The following USP31 variants were observed in gnomAD, a reference collection of about 807,000 sequenced individuals.
USP31 encodes ubiquitin specific peptidase 31, also known as ubiquitin carboxyl-terminal hydrolase 31.
In USP31, 44 loss-of-function variants were observed where a neutral mutation model predicts 119.4. The observed-to-expected ratio is 0.37, with a 90% CI of 0.29 to 0.47. USP31 has a LOEUF of 0.47. Ranked by LOEUF, USP31 falls within the 20% of genes least tolerant of loss-of-function variation. The pLI is 0.99. For missense variants in USP31, 1,643 were observed against 1,730.2 expected, an observed-to-expected ratio of 0.95 and a Z score of 0.89; for synonymous variants, 749 against 705.6, an observed-to-expected ratio of 1.06 and a Z score of -0.97.
chr16:23,109,577 G>A (rs569027870), intron 1 of USP31, among the ~76,000 whole-genome samples: 15 of 152,076 alleles, frequency 9.9e-5, no homozygotes, highest in Non-Finnish European at 2.1e-4. Flanking sequence ...CCTTGAATGT[G>A]GCTTGTGATA....
At chr16:23,106,335 A>G (rs775394640) in intron 3 of USP31, 30 bp from the exon 4 acceptor site, 19 of 1,613,898 alleles carry the variant, frequency 1.2e-5, no homozygotes, top group East Asian at 2.2e-5. Flanking sequence ...GACGCTTGAC[A>G]TTAAAATCAC....
intron 6 of USP31, among the ~76,000 whole-genome samples, chr16:23,100,648 C>T (rs1012519331): frequency 6.6e-6 from 1 of 152,120 alleles, no homozygotes; most frequent in African/African-American, 2.4e-5. Context: ...TGGCATGCGC[C>T]TGTGATCCCA....
At chr16:23,072,322 A>G in intron 14 of USP31, 125 bp from the exon 15 acceptor site, 2 of 1,318,930 alleles carry the variant, frequency 1.5e-6, no homozygotes, top group Non-Finnish European at 1.1e-6. Context: ...CCCCGAGGTC[A>G]GCATCAATTC....
rs576890028 is a variant in USP31, at chr16:23,119,896, G to C, written c.634-11713C>G. ...TGTCTTTCATCAGTAATGTAAAGGG[G>C]GTGTTCTTCACCTTAAATGCTCAAG... is the stretch of plus-strand genomic sequence containing the variant. On this transcript the variant is annotated intron_variant, in intron 1 of 15. Transcript: ENST00000219689. Among the ~76,000 whole-genome samples the C allele has an allele frequency of 1.2e-3, 178 of 152,164 alleles. 1 individual carries two copies. Among genetic ancestry groups the C allele is most frequent in the African/African-American group, 4.1e-3 (172 of 41,496 alleles).
intron 9 of USP31, among the ~76,000 whole-genome samples, chr16:23,085,929 TA>T (rs1326330006): frequency 6.6e-6 from 1 of 152,224 alleles, no homozygotes; most frequent in African/African-American, 2.4e-5. Flanking sequence ...TTTAGTGTCA[TA>T]AGGTTGATGA....
intron 13 of USP31, among the ~76,000 whole-genome samples, chr16:23,077,917 G>A (rs1184456792): frequency 6.6e-6 from 1 of 152,150 alleles, no homozygotes; most frequent in Non-Finnish European, 1.5e-5. Flanking sequence ...ATTCAACAAT[G>A]TTACACGAAA....
At position 23,063,714 on chromosome 16, in the gene USP31, T is replaced by C. The variant is rs912819552; in HGVS notation, c.*4332A>G. The C allele has an allele frequency of 9.3e-5, 14 of 150,874 alleles. No homozygotes were observed. Among genetic ancestry groups the C allele is most frequent in the African/African-American group, 2.4e-4 (10 of 41,214 alleles). 9.3% of individuals were successfully genotyped at this position (150,874 alleles called of 1,614,324 possible). A position where few individuals can be genotyped will look rare whatever the true frequency, so the allele number is the denominator to read the frequency against. ...ATTTTGAAAATCACAAATTTAAAAA[T>C]AGAGCTCCATAATTGTTGCCTTTTT... On this transcript the variant is annotated 3_prime_UTR_variant, in exon 16 of 16. Coordinates refer to ENST00000219689, the MANE Select transcript of USP31 (RefSeq NM_020718.4).
Position 23,064,904 on chromosome 16 carries a change from TACTCCCAC to T in USP31, c.*3134_*3141del, listed in dbSNP as rs1900004297. On this transcript the variant is annotated 3_prime_UTR_variant, in exon 16 of 16. Transcript: ENST00000219689. ...TTACAGTATTTTAGCACACCACAAA[TACTCCCAC>T]ATCCGTTCCCACTGGTCCAGCATAT... 1 of 152,122 alleles carries T rather than the reference TACTCCCAC, an allele frequency of 6.6e-6. No individual in the cohort carries two copies. The highest frequency in any genetic ancestry group is 1.5e-5 in the Non-Finnish European group (1 of 68,024). The allele number at this position is 152,122 out of a possible 1,614,324, so 9.4% of individuals were successfully genotyped here. A position where few individuals can be genotyped will look rare whatever the true frequency, so the allele number is the denominator to read the frequency against.
At chr16:23,145,528 T>C (rs531176458) in intron 1 of USP31, among the ~76,000 whole-genome samples, 5 of 152,202 alleles carry the variant, frequency 3.3e-5, no homozygotes, top group Admixed American at 2.6e-4. Flanking sequence ...GCCAATGAAA[T>C]ATCAGCAGAA....
intron 12 of USP31, among the ~76,000 whole-genome samples, chr16:23,080,593 T>C (rs1270663198): frequency 6.6e-6 from 1 of 152,276 alleles, no homozygotes; most frequent in Non-Finnish European, 1.5e-5. Context: ...GCAGTGCCTG[T>C]TCCCCTCCAC....
intron 1 of USP31, among the ~76,000 whole-genome samples, chr16:23,125,372 A>C (rs6497653): frequency 0.28 from 42,593 of 151,824 alleles, 6,270 homozygotes; most frequent in Admixed American, 0.35. Context: ...TCCCTCAGCA[A>C]TACCCTCTGA....
intron 1 of USP31, among the ~76,000 whole-genome samples, chr16:23,109,177 A>G (rs1301253332): frequency 2.0e-5 from 3 of 152,222 alleles, no homozygotes; most frequent in Admixed American, 6.5e-5. Context: ...TCACATCCAT[A>G]TATCTGTACA....
chr16:23,131,679 G>A (rs1903035158), intron 1 of USP31, among the ~76,000 whole-genome samples: 1 of 152,048 alleles, frequency 6.6e-6, no homozygotes, highest in Non-Finnish European at 1.5e-5. Context: ...AAAGGCACAT[G>A]GAACCTGCCA....
chr16:23,068,826 G>A lies in USP31; in HGVS notation c.3279C>T (p.Ala1093=), dbSNP rs2141824829. The change falls in exon 16 of 16, where the codon GCC becomes GCT. Residue 1093 remains alanine (A), a synonymous_variant. Transcript: ENST00000219689. ...TCGGGGATGACTCCTTTTTGGGTTGGGCAGGGGCAGGGGATGAATGCCGTC... is the reference window on the plus strand; with the variant it reads ...TCGGGGATGACTCCTTTTTGGGTTGAGCAGGGGCAGGGGATGAATGCCGTC... The part of the protein sequence containing the change: ...GSGRHSSPAP[A]QPKKESSPKS... The A allele has an allele frequency of 6.4e-7, 1 of 1,556,588 alleles. No homozygotes were observed. Among genetic ancestry groups the A allele is most frequent in the Non-Finnish European group, 8.7e-7 (1 of 1,154,800 alleles).
Position 23,066,418 on chromosome 16 carries a change from GAA to G in USP31, c.*1626_*1627del, listed in dbSNP as rs895250450. On this transcript the variant is annotated 3_prime_UTR_variant, in exon 16 of 16. Transcript: ENST00000219689. Reference sequence around the variant, plus strand: ...AAGAGATATTCTTGGGGGGAAAAAAGAAAAAAAAAGTAGTGCAGAATTCACAG... The same window carrying G: ...AAGAGATATTCTTGGGGGGAAAAAAGAAAAAAAGTAGTGCAGAATTCACAG... The G allele has an allele frequency of 4.6e-5, 7 of 151,192 alleles. No individual in the cohort carries two copies. In the East Asian group the frequency reaches 7.8e-4, roughly 17 times the overall value. 9.4% of individuals were successfully genotyped at this position (151,192 alleles called of 1,614,324 possible). A position where few individuals can be genotyped will look rare whatever the true frequency, so the allele number is the denominator to read the frequency against.
At chr16:23,130,974 C>T (rs768301283) in intron 1 of USP31, among the ~76,000 whole-genome samples, 69 of 152,240 alleles carry the variant, frequency 4.5e-4, no homozygotes, top group Non-Finnish European at 9.0e-4. Flanking sequence ...CTTAACGGAC[C>T]TGCATTCTCT....
chr16:23,068,618 A>C lies in USP31; in HGVS notation c.3487T>G (p.Leu1163Val). The change falls in exon 16 of 16, where the codon TTG becomes GTG. Residue 1163 changes from leucine (L) to valine (V), a missense_variant. Transcript: ENST00000219689. ...GTGGCGCTGGCTCTGTCAGAACCCA[A>C]GCTTTGTCTGGAGCCCTCTCTACTC... ...SLSREGSRQS[L>V]GSDRASATST... The C allele has an allele frequency of 6.2e-7, 1 of 1,614,160 alleles. No individual in the cohort carries two copies. The highest frequency in any genetic ancestry group is 8.5e-7 in the Non-Finnish European group (1 of 1,180,038).
intron 6 of USP31, among the ~76,000 whole-genome samples, chr16:23,092,513 CAG>C (rs1380873884): frequency 6.6e-6 from 1 of 152,112 alleles, no homozygotes; most frequent in Non-Finnish European, 1.5e-5. Flanking sequence ...GAGAGATTAA[CAG>C]AAGTTAACTG....
rs370545053 is a variant in USP31, at chr16:23,068,519, C to T, written c.3586G>A (p.Val1196Met). The T allele has an allele frequency of 6.8e-6, 11 of 1,613,686 alleles. No individual in the cohort carries two copies. In the African/African-American group the frequency reaches 8.0e-5, roughly 12 times the overall value. ...AGEGRGAGKH[V>M]RSSSMASLRS... ...AGGCTGGCCATGGAGGAGCTCCGCA[C>T]GTGCTTCCCGGCCCCCCTGCCCTCC... Residue 1196 changes from valine to methionine, a missense_variant, in exon 16 of 16, where the codon GTG (valine) becomes ATG (methionine). By Grantham distance (21) the Val-to-Met change is conservative (BLOSUM62 1). Around this residue, in one of 5 missense-constraint regions of USP31, gnomAD observed 699 missense variants for 650.9 expected, o/e 1.07. Transcript: ENST00000219689.
Sources: gnomAD v4.1 joint callset for allele counts (sites outside exome capture counted in the v4.1 genomes callset) on GRCh38, gnomAD v4.1.1 for gene constraint, gnomAD v4.1.1 regional missense constraint, MANE v1.5 for transcripts, NCBI Gene and HGNC (gene_info 2026-07-23, HGNC 2026-07-21) for gene names.